The following ADGRB3 variants were observed in gnomAD, a reference collection of about 807,000 sequenced individuals.
ADGRB3 encodes the protein adhesion G protein-coupled receptor B3, also known as brain-specific angiogenesis inhibitor 3.
ADGRB3 carries 37 observed loss-of-function variants against 193.4 expected under a neutral mutation model. The observed-to-expected ratio is 0.19, with a 90% CI of 0.15 to 0.25. The LOEUF is 0.25. ADGRB3 is among the 10% of genes least tolerant of loss of function. ADGRB3 has a pLI of 1.00. For synonymous variants in ADGRB3, 690 were observed against 644.2 expected (o/e 1.07, Z -1.08); for missense variants, 1,637 against 1,852.9 (o/e 0.88, Z 2.14).
intron 18 of ADGRB3, among the ~76,000 whole-genome samples, chr6:69,234,407 A>G (rs1431071623): frequency 6.7e-6 from 1 of 149,976 alleles, no homozygotes; most frequent in Non-Finnish European, 1.5e-5. Context: ...TTATCTCCAC[A>G]TATTTTGTTC....
At chr6:69,381,258 C>A (rs1459519911) in intron 30 of ADGRB3, among the ~76,000 whole-genome samples, 1 of 151,862 alleles carries the variant, frequency 6.6e-6, no homozygotes, top group Non-Finnish European at 1.5e-5. Context: ...CTCTGTTAAT[C>A]CTGCAAATCC....
At chr6:68,884,523 G>A (rs1193072275) in intron 3 of ADGRB3, among the ~76,000 whole-genome samples, 1 of 152,098 alleles carries the variant, frequency 6.6e-6, no homozygotes, top group Non-Finnish European at 1.5e-5. Context: ...TCAGGCAGAG[G>A]AAAAAGTTAA....
intron 3 of ADGRB3, among the ~76,000 whole-genome samples, chr6:68,643,309 A>G (rs1768124808): frequency 6.6e-6 from 1 of 151,720 alleles, no homozygotes; most frequent in South Asian, 2.1e-4. Flanking sequence ...TTAGGGACAT[A>G]TTTGCAATCT....
At chr6:68,994,162 T>A (rs577594344) in intron 11 of ADGRB3, among the ~76,000 whole-genome samples, 200 bp downstream of exon 11, 4 of 152,256 alleles carry the variant, frequency 2.6e-5, no homozygotes, top group Admixed American at 2.6e-4. Context: ...AAAATGCATA[T>A]ATTACACCTC....
intron 17 of ADGRB3, among the ~76,000 whole-genome samples, chr6:69,100,904 GCGAGGGAGGGAAGGAAGGAA>G (rs1773027254): frequency 2.6e-5 from 1 of 37,902 alleles, no homozygotes; most frequent in Non-Finnish European, 4.8e-5. Flanking sequence ...GAAGGAAGAA[GCGAGGGAGGGAAGGAAGGAA>G]GGAGGGAGGG....
intron 28 of ADGRB3, among the ~76,000 whole-genome samples, chr6:69,357,084 T>G (rs574411985): frequency 6.6e-6 from 1 of 152,166 alleles, no homozygotes; most frequent in African/African-American, 2.4e-5. Flanking sequence ...ACAAGCCTTG[T>G]TTCATCCTTC....
chr6:69,308,952 C>T (rs1055720729), intron 20 of ADGRB3, among the ~76,000 whole-genome samples: 16 of 151,730 alleles, frequency 1.1e-4, no homozygotes, highest in Non-Finnish European at 2.2e-4. Context: ...TTGGGAAATC[C>T]ATTCTTTATT....
At chr6:69,010,404 T>C (rs1769896635) in intron 11 of ADGRB3, among the ~76,000 whole-genome samples, 2 of 152,026 alleles carry the variant, frequency 1.3e-5, no homozygotes, top group African/African-American at 4.8e-5. Context: ...GTATCAGAAT[T>C]ATAGGTGCGT....
At chr6:69,241,878 A>T (rs555598134) in intron 20 of ADGRB3, among the ~76,000 whole-genome samples, 23 of 152,016 alleles carry the variant, frequency 1.5e-4, no homozygotes, top group African/African-American at 5.3e-4. Context: ...GATGAAGAAA[A>T]TAAGAGATTA....
chr6:68,642,189 A>G, intron 3 of ADGRB3, among the ~76,000 whole-genome samples: 1 of 152,188 alleles, frequency 6.6e-6, no homozygotes, highest in East Asian at 1.9e-4. Context: ...TGCCTTGAGT[A>G]GAAATATCTT....
At chr6:68,967,433 T>C (rs1768415702) in intron 8 of ADGRB3, among the ~76,000 whole-genome samples, 1 of 151,982 alleles carries the variant, frequency 6.6e-6, no homozygotes, top group East Asian at 1.9e-4. Flanking sequence ...TAAAAAATGG[T>C]CCTATAGGAT....
chr6:69,242,053 A>C (rs1249396078), intron 20 of ADGRB3, among the ~76,000 whole-genome samples: 2 of 151,868 alleles, frequency 1.3e-5, no homozygotes, highest in Non-Finnish European at 2.9e-5. Flanking sequence ...AGGGGAAATA[A>C]TCTTGTGTTT....
intron 3 of ADGRB3, among the ~76,000 whole-genome samples, chr6:68,708,871 G>A (rs1765366653): frequency 6.6e-6 from 1 of 151,780 alleles, no homozygotes; most frequent in Admixed American, 6.6e-5. Flanking sequence ...CATTAATGTC[G>A]ACACCTATTA....
chr6:69,031,107 TTCTCTTCTC>T (rs1237771352), intron 13 of ADGRB3, among the ~76,000 whole-genome samples: 1,307 of 76,728 alleles, frequency 0.017, 200 homozygotes, highest in African/African-American at 0.029. Flanking sequence ...TTCTCTTCTC[TTCTCTTCTC>T]TCTCTTCTCT....
intron 17 of ADGRB3, among the ~76,000 whole-genome samples, chr6:69,125,222 C>T (rs1012677046): frequency 6.6e-6 from 1 of 152,106 alleles, no homozygotes; most frequent in African/African-American, 2.4e-5. Flanking sequence ...TCCAGAGTTC[C>T]CTTAGCCTCT....
chr6:69,200,283 C>A (rs994199463), intron 17 of ADGRB3, among the ~76,000 whole-genome samples: 3 of 151,880 alleles, frequency 2.0e-5, no homozygotes, highest in South Asian at 4.1e-4. Context: ...GTAGGGATAA[C>A]TTGAAAAAAA....
chr6:68,846,296 G>A (rs1342461421), intron 3 of ADGRB3, among the ~76,000 whole-genome samples: 1 of 152,154 alleles, frequency 6.6e-6, no homozygotes, highest in Non-Finnish European at 1.5e-5. Flanking sequence ...CATCCTATGT[G>A]ATAAAAAATA....
At chr6:69,217,292 G>T (rs1171590788) in intron 17 of ADGRB3, among the ~76,000 whole-genome samples, 1 of 152,082 alleles carries the variant, frequency 6.6e-6, no homozygotes, top group Non-Finnish European at 1.5e-5. Flanking sequence ...GTTCTTATCA[G>T]TACTTGTACT....
intron 20 of ADGRB3, among the ~76,000 whole-genome samples, chr6:69,323,401 AT>A: frequency 6.6e-6 from 1 of 152,024 alleles, no homozygotes; most frequent in South Asian, 2.1e-4. Flanking sequence ...ATTGGAAAAA[AT>A]AAAAGTCTTA....
Sources: allele counts gnomAD v4.1 joint callset (sites outside exome capture counted in the v4.1 genomes callset), GRCh38; gene constraint gnomAD v4.1.1; transcripts MANE v1.5; gene names NCBI Gene and HGNC (gene_info 2026-07-23, HGNC 2026-07-21).